GMDS: variants seen among roughly 807,000 people sequenced by gnomAD.
GMDS encodes GDP-mannose 4,6 dehydratase.
Under a neutral mutation model 49.9 loss-of-function variants are expected in GMDS, and 20 were observed. The ratio of observed to expected loss-of-function variants is 0.40; its 90% CI spans 0.28 to 0.58. GMDS has a LOEUF of 0.58. Ranked by LOEUF, GMDS falls within the 20% of genes least tolerant of loss-of-function variation. GMDS has a pLI of 0.42. For synonymous variants in GMDS, 177 were observed against 178.6 expected (o/e 0.99, Z 0.07); for missense variants, 362 against 481.4 (o/e 0.75, Z 2.32).
At chr6:1,644,145 A>G (rs1197114960) in intron 9 of GMDS, among the ~76,000 whole-genome samples, 1 of 152,174 alleles carries the variant, frequency 6.6e-6, no homozygotes, top group Non-Finnish European at 1.5e-5. Flanking sequence ...TGCAGATACT[A>G]GTAGCCTGCA....
chr6:2,200,855 T>A (rs1474602407), intron 1 of GMDS, among the ~76,000 whole-genome samples: 1 of 140,590 alleles, frequency 7.1e-6, no homozygotes, highest in Admixed American at 7.1e-5. Flanking sequence ...GGGCAGCATG[T>A]TAGCAGAGAG....
In GMDS at chr6:1,958,286, A is replaced by C. The variant is rs1581421052; in HGVS notation, c.643+1581T>G. Among the ~76,000 whole-genome samples, 3 of 152,136 alleles carry C rather than the reference A, an allele frequency of 2.0e-5. No homozygotes were observed. The South Asian group carries it at 6.2e-4, about 32-fold the overall frequency. On this transcript the variant is annotated intron_variant, in intron 6 of 10. Transcript: ENST00000380815. ...TATCCTGACCTGATTCACAACAATT[A>C]ACTTTTATTTTTTTTTTGCAGGTGG... is the stretch of plus-strand genomic sequence containing the variant.
chr6:1,871,342 T>C (rs1758738799), intron 7 of GMDS, among the ~76,000 whole-genome samples: 1 of 151,178 alleles, frequency 6.6e-6, no homozygotes, highest in African/African-American at 2.5e-5. Flanking sequence ...AAAGAGTAGG[T>C]CATTAAATAG....
chr6:2,161,811 T>G lies in GMDS; in HGVS notation c.103-37080A>C, dbSNP rs534412114. On this transcript the variant is annotated intron_variant, in intron 1 of 10. Coordinates refer to ENST00000380815, the MANE Select transcript of GMDS (RefSeq NM_001500.4). Reference sequence around the variant, plus strand: ...ACAAAAAAGGGCTAAGGGTTTGGTTTCAAAGGACTTCCTGGCTGTGACTCA... The same window carrying G: ...ACAAAAAAGGGCTAAGGGTTTGGTTGCAAAGGACTTCCTGGCTGTGACTCA... 3.3e-5 allele frequency among the ~76,000 whole-genome samples: 5 copies of G among 152,276 alleles called. No individual in the cohort carries two copies. The East Asian group carries it at 9.6e-4, about 29-fold the overall frequency.
chr6:1,771,347 A>T (rs1423835007), intron 7 of GMDS, among the ~76,000 whole-genome samples: 1 of 152,220 alleles, frequency 6.6e-6, no homozygotes, highest in Non-Finnish European at 1.5e-5. Flanking sequence ...TGGGCCTCAG[A>T]CACACTCTGG....
At chr6:1,957,713 G>T (rs1419978668) in intron 6 of GMDS, among the ~76,000 whole-genome samples, 1 of 152,204 alleles carries the variant, frequency 6.6e-6, no homozygotes, top group Non-Finnish European at 1.5e-5. Context: ...TCTGAGGATA[G>T]GGCTGGCAGT....
chr6:2,069,788 G>A (rs1771866953), intron 4 of GMDS, among the ~76,000 whole-genome samples: 2 of 152,024 alleles, frequency 1.3e-5, no homozygotes, highest in Admixed American at 1.3e-4. Flanking sequence ...GAGAGGATGT[G>A]GAGAAATAGG....
intron 4 of GMDS, among the ~76,000 whole-genome samples, chr6:2,013,881 T>A (rs1767718415): frequency 7.5e-6 from 1 of 132,530 alleles, no homozygotes; most frequent in Non-Finnish European, 1.6e-5. Flanking sequence ...AAATAACAAA[T>A]CAAAAGTCAA....
chr6:2,154,863 C>CAA (rs70992124), intron 1 of GMDS, among the ~76,000 whole-genome samples: 991 of 65,428 alleles, frequency 0.015, 39 homozygotes, highest in African/African-American at 0.042. Context: ...TGAAGAGATG[C>CAA]AAAAAAAAAA....
chr6:1,990,829 C>A (rs1765892863), intron 4 of GMDS, among the ~76,000 whole-genome samples: 1 of 151,426 alleles, frequency 6.6e-6, no homozygotes, highest in Non-Finnish European at 1.5e-5. Flanking sequence ...AGTGATCCTT[C>A]CATCTTGGCC....
intron 9 of GMDS, among the ~76,000 whole-genome samples, chr6:1,662,627 C>T (rs372174274): frequency 1.2e-4 from 18 of 152,194 alleles, no homozygotes; most frequent in African/African-American, 4.1e-4. Context: ...GAGAAGCAGG[C>T]AAGTGGACTC....
In GMDS at chr6:2,000,192, T is replaced by C. The variant is rs1232750739; in HGVS notation, c.346-39226A>G. ...CTGGGACTACAGGCGCCCGCCACCA[T>C]GCCCGGCTAATTTTTTGTATTTTTG... On this transcript the variant is annotated intron_variant, in intron 4 of 10. Coordinates refer to ENST00000380815, the MANE Select transcript of GMDS (RefSeq NM_001500.4). Among the ~76,000 whole-genome samples the C allele has an allele frequency of 4.1e-5, 6 of 146,612 alleles. No homozygotes were observed. The South Asian group carries it at 1.3e-3, about 33-fold the overall frequency.
chr6:1,866,252 T>C (rs958647678), intron 7 of GMDS, among the ~76,000 whole-genome samples: 3 of 152,336 alleles, frequency 2.0e-5, no homozygotes, highest in Admixed American at 2.0e-4. Context: ...CAGATAAATA[T>C]TAGACAGTGC....
chr6:1,878,762 G>A (rs1759224353), intron 7 of GMDS, among the ~76,000 whole-genome samples: 1 of 152,096 alleles, frequency 6.6e-6, no homozygotes, highest in Admixed American at 6.5e-5. Context: ...GTAAGTGATT[G>A]GATATACAGA....
intron 7 of GMDS, among the ~76,000 whole-genome samples, chr6:1,847,804 T>A (rs960941974): frequency 6.6e-6 from 1 of 152,176 alleles, no homozygotes; most frequent in African/African-American, 2.4e-5. Flanking sequence ...CCAGGCAACA[T>A]CTCTGTCAAC....
chr6:1,908,774 G>A (rs939244025), intron 7 of GMDS, among the ~76,000 whole-genome samples: 4 of 152,194 alleles, frequency 2.6e-5, no homozygotes, highest in South Asian at 2.1e-4. Context: ...ACATGTATTG[G>A]AATAATCTGC....
chr6:1,844,930 G>A (rs1304466778), intron 7 of GMDS, among the ~76,000 whole-genome samples: 2 of 152,198 alleles, frequency 1.3e-5, no homozygotes, highest in Non-Finnish European at 2.9e-5. Flanking sequence ...ATAACTAAAT[G>A]AGTGGCCCTA....
chr6:1,736,176 G>A (rs1056738891), intron 8 of GMDS, among the ~76,000 whole-genome samples: 2 of 152,150 alleles, frequency 1.3e-5, no homozygotes, highest in African/African-American at 4.8e-5. Flanking sequence ...TCTTGCAGGT[G>A]CCAATAATTC....
At chr6:1,762,055 G>C (rs568261057) in intron 7 of GMDS, among the ~76,000 whole-genome samples, 1 of 152,206 alleles carries the variant, frequency 6.6e-6, no homozygotes, top group Non-Finnish European at 1.5e-5. Flanking sequence ...AGAAAAAGCC[G>C]AGAAGCACAG....
Sources: allele counts gnomAD v4.1 joint callset (sites outside exome capture counted in the v4.1 genomes callset), GRCh38; gene constraint gnomAD v4.1.1; transcripts MANE v1.5; gene names NCBI Gene and HGNC (gene_info 2026-07-23, HGNC 2026-07-21).